The following CHFR variants were observed in gnomAD, a reference collection of about 807,000 sequenced individuals.
The protein encoded by CHFR is checkpoint with forkhead and ring finger domains, also known as E3 ubiquitin-protein ligase CHFR.
CHFR carries 57 observed loss-of-function variants against 87.6 expected under a neutral mutation model. That is an observed-to-expected ratio of 0.65 (90% CI 0.53 to 0.81). CHFR has a LOEUF of 0.81. Among genes scored for constraint, CHFR ranks in the 30% least tolerant of loss-of-function variants. The pLI, the probability that CHFR is intolerant of heterozygous loss-of-function variation, is 0.00. For missense variants in CHFR, 797 were observed against 865.8 expected (o/e 0.92, Z 1.00); for synonymous variants, 381 against 359.2 (o/e 1.06, Z -0.69).
At chr12:132,872,064 C>T in intron 4 of CHFR, 1 of 490,582 alleles carries the variant, frequency 2.0e-6, no homozygotes, top group Non-Finnish European at 3.6e-6. Flanking sequence ...CTGCTCATGG[C>T]CACAGTGGTA....
At chr12:132,883,738 C>T (rs145025916) in intron 2 of CHFR, among the ~76,000 whole-genome samples, 3 of 152,122 alleles carry the variant, frequency 2.0e-5, no homozygotes, top group African/African-American at 4.8e-5. Flanking sequence ...GGTTGTTGCA[C>T]CCCTTCCTAC....
At chr12:132,842,115 A>G (rs927107916) in intron 17 of CHFR, among the ~76,000 whole-genome samples, 1 of 151,782 alleles carries the variant, frequency 6.6e-6, no homozygotes. Context: ...TCTCAAAAAA[A>G]AAAAAAAAAA....
chr12:132,881,205 G>T (rs1333615072), intron 2 of CHFR, among the ~76,000 whole-genome samples: 2 of 150,976 alleles, frequency 1.3e-5, no homozygotes, highest in Non-Finnish European at 2.9e-5. Context: ...GTTGCAGTGA[G>T]CTGAGATCGT....
At chr12:132,848,914 T>C (rs190495847) in intron 12 of CHFR, 190 bp from the exon 13 acceptor site, 21 of 541,252 alleles carry the variant, frequency 3.9e-5, no homozygotes, top group Non-Finnish European at 6.9e-5. Context: ...GGCGAGGAGT[T>C]GTATCCCTGA....
intron 10 of CHFR, 137 bp downstream of exon 10, chr12:132,856,331 G>A: frequency 1.1e-6 from 1 of 895,850 alleles, no homozygotes; most frequent in Non-Finnish European, 1.7e-6. Context: ...ACAAGCTCAA[G>A]CCATTTAAGA....
Position 132,881,111 on chromosome 12 carries a change from A to G in CHFR, c.134-3457T>C, listed in dbSNP as rs564369744. Among the ~76,000 whole-genome samples, 15 of 152,160 alleles carry G rather than the reference A, an allele frequency of 9.9e-5. No homozygotes were observed. In the East Asian group the frequency reaches 2.7e-3, roughly 27 times the overall value. On this transcript the variant is annotated intron_variant, in intron 2 of 17. Coordinates refer to ENST00000450056, the MANE Select transcript of CHFR (RefSeq NM_001161346.2). Reference sequence around the variant, plus strand: ...ATGAGACCCCATCTCGACTAAAAATACAAAAAATTAGCCGGGCATGGTAGC... The same window carrying G: ...ATGAGACCCCATCTCGACTAAAAATGCAAAAAATTAGCCGGGCATGGTAGC...
At chr12:132,887,438 C>CCCACGCAG (rs1951926831) in intron 1 of CHFR, 98 bp from the exon 2 acceptor site, 3 of 924,494 alleles carry the variant, frequency 3.2e-6, no homozygotes, top group African/African-American at 1.8e-5. Context: ...GCCGCCCGCG[C>CCCACGCAG]CCACGCAGCC....
intron 2 of CHFR, among the ~76,000 whole-genome samples, chr12:132,886,733 C>A (rs1057331342): frequency 2.6e-5 from 4 of 152,174 alleles, no homozygotes; most frequent in Non-Finnish European, 4.4e-5. Context: ...CTGAGTACTG[C>A]CTTGGCTGCA....
At chr12:132,857,760 C>A (rs911634801) in intron 8 of CHFR, among the ~76,000 whole-genome samples, 1 of 152,120 alleles carries the variant, frequency 6.6e-6, no homozygotes, top group Non-Finnish European at 1.5e-5. Flanking sequence ...AAGACAGAGG[C>A]GAGTAGATTA....
chr12:132,873,410 C>T (rs938827957), intron 3 of CHFR, among the ~76,000 whole-genome samples: 3 of 152,230 alleles, frequency 2.0e-5, no homozygotes, highest in Non-Finnish European at 2.9e-5. Flanking sequence ...TCTGCTGTTA[C>T]AACACAAAGC....
At chr12:132,842,744 G>A (rs1231623011) in intron 17 of CHFR, among the ~76,000 whole-genome samples, 2 of 152,244 alleles carry the variant, frequency 1.3e-5, no homozygotes, top group East Asian at 3.8e-4. Context: ...ACTTAGAAAC[G>A]GCTAAGCCTG....
chr12:132,859,102 T>G lies in CHFR; in HGVS notation c.877A>C (p.Ile293Leu). Reference protein sequence around the residue: ...PDKMEETLTCIICQDLLHDCV... With the variant: ...PDKMEETLTCLICQDLLHDCV... ...TCGTGCAGCAGGTCCTGGCAGATGA[T>G]GCATGTCAGCGTCTCCTCCATCTTG... The change falls in exon 8 of 18, where the codon ATC becomes CTC. Residue 293 changes from isoleucine (I) to leucine (L), a missense_variant. By Grantham distance (5) the Ile-to-Leu change is conservative (BLOSUM62 2). This residue lies in a region of CHFR where 597 missense variants were observed against 601.2 expected (regional missense o/e 0.99). Transcript: ENST00000450056. 1 of 1,614,066 alleles carries G rather than the reference T, an allele frequency of 6.2e-7. No homozygotes were observed.
intron 15 of CHFR, among the ~76,000 whole-genome samples, chr12:132,846,686 G>A (rs1053814822): frequency 3.3e-5 from 5 of 152,104 alleles, no homozygotes; most frequent in Non-Finnish European, 7.4e-5. Flanking sequence ...TTCAAGACCA[G>A]GCTGGCCAAC....
At chr12:132,887,445 A>C in intron 1 of CHFR, 102 bp downstream of exon 1, 1 of 848,496 alleles carries the variant, frequency 1.2e-6, no homozygotes, top group Non-Finnish European at 1.4e-6. Context: ...GCGCCCACGC[A>C]GCCCCGCAGC....
chr12:132,858,855 A>G (rs1178983742), intron 8 of CHFR, among the ~76,000 whole-genome samples: 1 of 149,522 alleles, frequency 6.7e-6, no homozygotes, highest in Non-Finnish European at 1.5e-5. Context: ...GAGGTCAGAG[A>G]ACCGCTCAAT....
Position 132,877,553 on chromosome 12 carries a change from AC to A in CHFR, c.233+1del. On this transcript the variant is annotated splice_donor_variant, in intron 3 of 17. Coordinates refer to ENST00000450056, the MANE Select transcript of CHFR (RefSeq NM_001161346.2). LOFTEE classifies it high-confidence loss of function. The stretch of plus-strand genomic sequence containing the variant: ...ACCAAAAGAAGCTCAGAACATACTC[AC>A]CTGGTATCTTCCAGTGTCACCTGAC... 1.3e-6 allele frequency: 2 copies of A among 1,592,546 alleles called. No homozygotes were observed. The highest frequency in any genetic ancestry group is 1.7e-6 in the Non-Finnish European group (2 of 1,162,548).
chr12:132,851,299 A>G (rs1950937884), intron 12 of CHFR, among the ~76,000 whole-genome samples: 1 of 152,078 alleles, frequency 6.6e-6, no homozygotes, highest in African/African-American at 2.4e-5. Flanking sequence ...CCAGAGTTGT[A>G]TACTAAAGCA....
intron 2 of CHFR, among the ~76,000 whole-genome samples, chr12:132,880,944 GACA>G (rs1951754314): frequency 6.8e-6 from 1 of 147,534 alleles, no homozygotes; most frequent in South Asian, 2.2e-4. Context: ...CAGCCTGGGC[GACA>G]GAGCGAGACT....
chr12:132,843,142 C>T, intron 16 of CHFR, 59 bp from the exon 17 acceptor site: 1 of 1,494,044 alleles, frequency 6.7e-7, no homozygotes, highest in Non-Finnish European at 9.2e-7. Context: ...CACTCAGCTA[C>T]CTGAATCCCA....
Sources: gnomAD v4.1 joint callset for allele counts (sites outside exome capture counted in the v4.1 genomes callset) on GRCh38, gnomAD v4.1.1 for gene constraint, gnomAD v4.1.1 regional missense constraint, MANE v1.5 for transcripts, NCBI Gene and HGNC (gene_info 2026-07-23, HGNC 2026-07-21) for gene names.